Variants in BLVRA observed in about 807,000 individuals in gnomAD.
BLVRA encodes biliverdin reductase A.
Under a neutral mutation model 32.8 loss-of-function variants are expected in BLVRA, and 22 were observed. The observed-to-expected ratio is 0.67, with a 90% CI of 0.48 to 0.96. The LOEUF is 0.96. Ranked by LOEUF, BLVRA falls within the 40% of genes least tolerant of loss-of-function variation. BLVRA has a pLI of 0.00. For synonymous variants in BLVRA, 119 were observed against 141.3 expected, an observed-to-expected ratio of 0.84 and a Z score of 1.12; for missense variants, 323 against 358.1, an observed-to-expected ratio of 0.90 and a Z score of 0.79.
At chr7:43,785,408 G>C (rs530007909) in intron 2 of BLVRA, among the ~76,000 whole-genome samples, 1 of 151,864 alleles carries the variant, frequency 6.6e-6, no homozygotes, top group South Asian at 2.1e-4. Flanking sequence ...TCAATTGTCA[G>C]TTGGGCACTG....
intron 3 of BLVRA, among the ~76,000 whole-genome samples, chr7:43,789,974 C>T (rs1392341445): frequency 6.6e-6 from 1 of 152,036 alleles, no homozygotes; most frequent in Non-Finnish European, 1.5e-5. Context: ...TCTCCTACAG[C>T]GCCTAGTACA....
chr7:43,790,434 CACACACACAAACACACACACAG>C (rs2095784317), intron 3 of BLVRA, among the ~76,000 whole-genome samples: 1 of 152,100 alleles, frequency 6.6e-6, no homozygotes, highest in African/African-American at 2.4e-5. Flanking sequence ...AAGACACACA[CACACACACAAACACACACACAG>C]ACACACACAC....
intron 2 of BLVRA, among the ~76,000 whole-genome samples, chr7:43,778,313 G>A (rs1205278462): frequency 6.6e-6 from 1 of 152,186 alleles, no homozygotes; most frequent in Non-Finnish European, 1.5e-5. Flanking sequence ...ATGTACAGAT[G>A]GGTTTTTGGT....
rs766028189 is a variant in BLVRA, at chr7:43,791,299, C to T, written c.185C>T (p.Ala62Val). ...GTCCAGCAGATTTCTTTGGAGGATG[C>T]TCTTTCCAGCCAAGAGGTGGAGGTC... ...DGVQQISLED[A>V]LSSQEVEVAY... Residue 62 changes from alanine to valine, a missense_variant, in exon 4 of 8, where the codon GCT becomes GTT. Ala to Val is a moderately conservative substitution (Grantham distance 64). Coordinates refer to ENST00000265523, the MANE Select transcript of BLVRA (RefSeq NM_000712.4). 2.5e-6 allele frequency: 4 copies of T among 1,614,088 alleles called. No homozygotes were observed. Among genetic ancestry groups the T allele is most frequent in the Non-Finnish European group, 3.4e-6 (4 of 1,179,944 alleles).
intron 5 of BLVRA, among the ~76,000 whole-genome samples, chr7:43,795,484 C>T (rs928779060): frequency 1.3e-5 from 2 of 151,724 alleles, no homozygotes; most frequent in African/African-American, 4.8e-5. Context: ...CACTGCACTC[C>T]AGCCTGGGCG....
chr7:43,766,932 C>T (rs1046145830), intron 1 of BLVRA, among the ~76,000 whole-genome samples: 4 of 152,156 alleles, frequency 2.6e-5, no homozygotes, highest in South Asian at 2.1e-4. Flanking sequence ...AGGAGTTCGA[C>T]GTTGCAGTGA....
At chr7:43,781,905 G>A (rs185524693) in intron 2 of BLVRA, among the ~76,000 whole-genome samples, 51 of 152,270 alleles carry the variant, frequency 3.3e-4, no homozygotes, top group African/African-American at 1.0e-3. Flanking sequence ...ACCCATGAAT[G>A]CCTTTGTTCT....
chr7:43,779,323 T>G (rs2095765942), intron 2 of BLVRA, among the ~76,000 whole-genome samples: 1 of 152,234 alleles, frequency 6.6e-6, no homozygotes, highest in South Asian at 2.1e-4. Flanking sequence ...CAAGGCAGGC[T>G]TCTCAAAAAA....
intron 6 of BLVRA, among the ~76,000 whole-genome samples, chr7:43,803,061 G>A (rs1010664169): frequency 1.3e-5 from 2 of 152,080 alleles, no homozygotes; most frequent in Non-Finnish European, 2.9e-5. Flanking sequence ...GTACTTTTTT[G>A]TTCACAAGAT....
chr7:43,795,890 G>A (rs935177938), intron 5 of BLVRA, among the ~76,000 whole-genome samples: 2 of 152,016 alleles, frequency 1.3e-5, no homozygotes, highest in African/African-American at 4.8e-5. Context: ...CAGATCACAA[G>A]GTCAAGAGTC....
At chr7:43,788,611 T>C (rs929689988) in intron 3 of BLVRA, among the ~76,000 whole-genome samples, 2 of 152,060 alleles carry the variant, frequency 1.3e-5, no homozygotes, top group Non-Finnish European at 2.9e-5. Context: ...ACTTTTATTA[T>C]TATTATTATT....
chr7:43,797,927 C>T (rs1030316153), intron 5 of BLVRA, among the ~76,000 whole-genome samples: 6 of 151,944 alleles, frequency 3.9e-5, no homozygotes, highest in Non-Finnish European at 8.8e-5. Flanking sequence ...CATGGTGGCT[C>T]ACACCTGTAA....
At chr7:43,783,957 C>A (rs1228806147) in intron 2 of BLVRA, among the ~76,000 whole-genome samples, 2 of 151,934 alleles carry the variant, frequency 1.3e-5, no homozygotes, top group Non-Finnish European at 2.9e-5. Context: ...CTCTTTATCT[C>A]AAAAAAAATT....
intron 7 of BLVRA, 96 bp downstream of exon 7, chr7:43,803,943 C>T (rs2095801530): frequency 1.4e-6 from 2 of 1,420,222 alleles, no homozygotes; most frequent in Middle Eastern, 2.3e-4. Context: ...GCTAGACCCT[C>T]ACTCCCAGCT....
At chr7:43,759,056 C>T (rs1585705000) in intron 1 of BLVRA, among the ~76,000 whole-genome samples, 2 of 152,354 alleles carry the variant, frequency 1.3e-5, no homozygotes, top group Admixed American at 1.3e-4. Flanking sequence ...CCCAAGAGGG[C>T]AGGCTCGGCG....
At chr7:43,781,673 A>G (rs2095769749) in intron 2 of BLVRA, among the ~76,000 whole-genome samples, 1 of 152,208 alleles carries the variant, frequency 6.6e-6, no homozygotes, top group African/African-American at 2.4e-5. Flanking sequence ...TGTATTTTAT[A>G]TCATTTATAT....
At chr7:43,778,016 G>A (rs1156784769) in intron 2 of BLVRA, among the ~76,000 whole-genome samples, 1 of 152,080 alleles carries the variant, frequency 6.6e-6, no homozygotes, top group Non-Finnish European at 1.5e-5. Context: ...GCATTTCTCT[G>A]TATTGGTTAT....
At chr7:43,781,635 A>G (rs1187958862) in intron 2 of BLVRA, among the ~76,000 whole-genome samples, 1 of 152,234 alleles carries the variant, frequency 6.6e-6, no homozygotes, top group Non-Finnish European at 1.5e-5. Context: ...CACAGTGCCC[A>G]GCCTGATATA....
chr7:43,805,088 A>C (rs529006654), intron 7 of BLVRA, among the ~76,000 whole-genome samples: 1 of 152,238 alleles, frequency 6.6e-6, no homozygotes, highest in Admixed American at 6.6e-5. Context: ...GGTCAGACCT[A>C]TACACAGACA....
Sources: gnomAD v4.1 joint callset for allele counts (sites outside exome capture counted in the v4.1 genomes callset) on GRCh38, gnomAD v4.1.1 for gene constraint, MANE v1.5 for transcripts, NCBI Gene and HGNC (gene_info 2026-07-23, HGNC 2026-07-21) for gene names.